MACROD2: variants seen among roughly 807,000 people sequenced by gnomAD.
MACROD2 encodes mono-ADP ribosylhydrolase 2.
In MACROD2, 36 loss-of-function variants were observed where a neutral mutation model predicts 70.4. That is an observed-to-expected ratio of 0.51 (90% CI 0.39 to 0.68). The LOEUF (loss-of-function observed/expected upper bound fraction) is 0.68, where lower values mean the gene tolerates loss of function less well. Among genes scored for constraint, MACROD2 ranks in the 30% least tolerant of loss-of-function variants. The pLI, the probability that MACROD2 is intolerant of heterozygous loss-of-function variation, is 0.00. For missense variants in MACROD2, 496 were observed against 538.4 expected (o/e 0.92, Z 0.78); for synonymous variants, 172 against 178.8 (o/e 0.96, Z 0.30).
intron 8 of MACROD2, among the ~76,000 whole-genome samples, chr20:15,770,084 A>ATTTTTTTTTTTT (rs1234797549): frequency 4.8e-5 from 6 of 125,704 alleles, no homozygotes; most frequent in African/African-American, 2.0e-4. Flanking sequence ...ATTTATTTTA[A>ATTTTTTTTTTTT]TTTTCTTTTT....
chr20:14,350,081 A>G (rs918708566), intron 3 of MACROD2, among the ~76,000 whole-genome samples: 5 of 152,004 alleles, frequency 3.3e-5, no homozygotes, highest in Admixed American at 6.6e-5. Context: ...TTGGCTGCAT[A>G]GTACTCCATT....
At chr20:14,506,753 G>A (rs2084973218) in intron 4 of MACROD2, among the ~76,000 whole-genome samples, 1 of 152,020 alleles carries the variant, frequency 6.6e-6, no homozygotes, top group African/African-American at 2.4e-5. Flanking sequence ...AAGCAAAACT[G>A]TTTTGGCTAA....
At chr20:15,097,554 G>A (rs145526706) in intron 5 of MACROD2, among the ~76,000 whole-genome samples, 11 of 152,162 alleles carry the variant, frequency 7.2e-5, no homozygotes, top group Admixed American at 3.9e-4. Flanking sequence ...GTAAAGTACC[G>A]TAAGAGTAAT....
chr20:14,902,317 T>A (rs1299493496), intron 5 of MACROD2, among the ~76,000 whole-genome samples: 1 of 152,154 alleles, frequency 6.6e-6, no homozygotes, highest in East Asian at 1.9e-4. Context: ...TTATTCTAAG[T>A]AGTACCTGAA....
At chr20:14,972,015 T>TG (rs2074696444) in intron 5 of MACROD2, among the ~76,000 whole-genome samples, 1 of 152,202 alleles carries the variant, frequency 6.6e-6, no homozygotes. Context: ...GAAAATGATT[T>TG]GGGGGCTTCT....
intron 5 of MACROD2, among the ~76,000 whole-genome samples, chr20:15,078,761 C>G (rs1021428991): frequency 7.3e-5 from 11 of 149,740 alleles, no homozygotes; most frequent in Non-Finnish European, 1.6e-4. Context: ...ATTCTCCTGT[C>G]TCAGCCTCTC....
At chr20:14,225,270 C>T (rs2081721809) in intron 3 of MACROD2, among the ~76,000 whole-genome samples, 1 of 152,146 alleles carries the variant, frequency 6.6e-6, no homozygotes. Context: ...TACATATTTT[C>T]TTCTGCTTTG....
At chr20:15,201,181 A>G (rs2076652850) in intron 5 of MACROD2, among the ~76,000 whole-genome samples, 1 of 152,154 alleles carries the variant, frequency 6.6e-6, no homozygotes, top group African/African-American at 2.4e-5. Context: ...GGTTAGTGGA[A>G]AGTCTCTTAG....
rs576347359 is a variant in MACROD2, at chr20:15,559,680, A to G, written c.645+59833A>G. Among the ~76,000 whole-genome samples the G allele has an allele frequency of 1.4e-4, 21 of 152,294 alleles. No homozygotes were observed. In the East Asian group the frequency reaches 4.1e-3, roughly 29 times the overall value. On this transcript the variant is annotated intron_variant, in intron 8 of 17. Transcript: ENST00000684519. ...CCATGTTCTTCTGCTGAGTAAAATC[A>G]GTGCATTAAGCATCACTGCGCATGT...
chr20:14,283,867 T>TA (rs1340028006), intron 3 of MACROD2, among the ~76,000 whole-genome samples: 3 of 152,312 alleles, frequency 2.0e-5, no homozygotes, highest in Non-Finnish European at 2.9e-5. Context: ...ATCCCAAACT[T>TA]AAAGTGCTGA....
At chr20:14,237,529 C>T (rs548516194) in intron 3 of MACROD2, among the ~76,000 whole-genome samples, 4 of 150,388 alleles carry the variant, frequency 2.7e-5, no homozygotes, top group African/African-American at 9.8e-5. Context: ...TCTATTAATT[C>T]TTTATTTATT....
At chr20:15,611,992 G>A (rs777569911) in intron 8 of MACROD2, among the ~76,000 whole-genome samples, 11 of 150,700 alleles carry the variant, frequency 7.3e-5, no homozygotes, top group East Asian at 5.9e-4. Flanking sequence ...ACCACCACCC[G>A]GCAACACACA....
At chr20:16,032,976 A>G (rs1223167058) in intron 15 of MACROD2, among the ~76,000 whole-genome samples, 1 of 152,060 alleles carries the variant, frequency 6.6e-6, no homozygotes. Context: ...CCTTTGACTT[A>G]TTTTGCGTGA....
At chr20:14,255,722 TAAA>T (rs879494630) in intron 3 of MACROD2, among the ~76,000 whole-genome samples, 1 of 70,722 alleles carries the variant, frequency 1.4e-5, no homozygotes, top group Non-Finnish European at 4.7e-5. Flanking sequence ...AATAAATAAA[TAAA>T]AAAGAAAATG....
At chr20:14,270,513 C>T (rs774650710) in intron 3 of MACROD2, among the ~76,000 whole-genome samples, 4 of 148,922 alleles carry the variant, frequency 2.7e-5, no homozygotes, top group Non-Finnish European at 4.4e-5. Context: ...TGCTTGAACC[C>T]GGGAGGCTCA....
At chr20:14,262,922 T>C (rs943893432) in intron 3 of MACROD2, among the ~76,000 whole-genome samples, 20 of 152,168 alleles carry the variant, frequency 1.3e-4, no homozygotes, top group African/African-American at 4.8e-4. Flanking sequence ...AGAGTGATAG[T>C]AGTTCTAGAA....
intron 2 of MACROD2, among the ~76,000 whole-genome samples, chr20:14,067,540 C>CT (rs2053779976): frequency 6.6e-6 from 1 of 152,112 alleles, no homozygotes; most frequent in African/African-American, 2.4e-5. Flanking sequence ...ATCTTTTGAA[C>CT]TTTATTTTTA....
chr20:14,316,351 A>G (rs576855284), intron 3 of MACROD2, among the ~76,000 whole-genome samples: 1 of 152,350 alleles, frequency 6.6e-6, no homozygotes, highest in Non-Finnish European at 1.5e-5. Flanking sequence ...TTGAGATTTA[A>G]TCCTGAAAAT....
intron 8 of MACROD2, among the ~76,000 whole-genome samples, chr20:15,519,482 A>G (rs2047621474): frequency 6.6e-6 from 1 of 152,136 alleles, no homozygotes; most frequent in African/African-American, 2.4e-5. Flanking sequence ...TTTGAAATAC[A>G]CTGCCATTTT....
Sources: gnomAD v4.1 joint callset for allele counts (sites outside exome capture counted in the v4.1 genomes callset) on GRCh38, gnomAD v4.1.1 for gene constraint, MANE v1.5 for transcripts, NCBI Gene and HGNC (gene_info 2026-07-23, HGNC 2026-07-21) for gene names.